The following PAH variants were observed in gnomAD, a reference collection of about 807,000 sequenced individuals.
PAH encodes the protein phenylalanine hydroxylase.
Under a neutral mutation model 62.0 loss-of-function variants are expected in PAH, and 64 were observed. That is an observed-to-expected ratio of 1.03 (90% CI 0.84 to 1.27). PAH has a LOEUF of 1.27. Ranked by LOEUF, PAH falls within the 50% of genes most tolerant of loss-of-function variation. The pLI is 0.00. For missense variants in PAH, 579 were observed against 542.8 expected (o/e 1.07, Z -0.66); for synonymous variants, 195 against 196.2 (o/e 0.99, Z 0.05).
At chr12:102,865,093 C>A (rs1460488853) in intron 5 of PAH, among the ~76,000 whole-genome samples, 1 of 152,126 alleles carries the variant, frequency 6.6e-6, no homozygotes, top group African/African-American at 2.4e-5. Flanking sequence ...TTTCAGTAAC[C>A]AAGTTAACTG....
Position 102,957,869 on chromosome 12 carries a change from C to T in PAH, c.-96+326G>A. On this transcript the variant is annotated intron_variant, in intron 1 of 4. Transcript: ENST00000551337. This position sits in a 1 kb window ranked among gnomAD's most constrained non-coding sequence, Gnocchi z 4.1. ...AGTAGGAGAGGAACGCGAGACGCGG[C>T]AGAGCGCGTTCAGCACTGACTTTTG... 5.5e-6 allele frequency: 1 copy of T among 180,996 alleles called. No homozygotes were observed. The highest frequency in any genetic ancestry group is 1.1e-5 in the Non-Finnish European group (1 of 87,820). The allele number at this position is 180,996 out of a possible 1,614,324, so 11.2% of individuals were successfully genotyped here. A position where few individuals can be genotyped will look rare whatever the true frequency, so the allele number is the denominator to read the frequency against.
chr12:102,846,951 C>T lies in PAH; in HGVS notation c.913G>A (p.Glu305Lys). 1.2e-6 allele frequency: 2 copies of T among 1,613,218 alleles called. No individual in the cohort carries two copies. Among genetic ancestry groups the T allele is most frequent in the Non-Finnish European group, 8.5e-7 (1 of 1,179,268 alleles). The change falls in exon 9 of 13, where the codon GAA becomes AAA. Residue 305 changes from glutamate (E) to lysine (K), a missense_variant and splice_region_variant. Coordinates refer to ENST00000553106, the MANE Select transcript of PAH (RefSeq NM_000277.3). The part of the protein sequence containing the change: ...SDRSFAQFSQ[E>K]IGLASLGAPD... Reference sequence around the variant, plus strand: ...GCACCCAGAGAGGCAAGGCCAATTTCCTGTAATTGGGGGAAAATAGAACCT... The same window carrying T: ...GCACCCAGAGAGGCAAGGCCAATTTTCTGTAATTGGGGGAAAATAGAACCT...
upstream of PAH, among the ~76,000 whole-genome samples, chr12:102,919,190 A>G (rs1253200558): frequency 6.6e-6 from 1 of 152,184 alleles, no homozygotes; most frequent in African/African-American, 2.4e-5. Context: ...CTGGCTCTCA[A>G]ATACTTTTGC....
chr12:102,958,183 C>T, intron 1 of PAH: 3 of 1,321,862 alleles, frequency 2.3e-6, no homozygotes, highest in Non-Finnish European at 3.0e-6. Context: ...GTCCCCCTCG[C>T]GGGCCCCGCA....
chr12:102,917,322 G>T, upstream of PAH: 1 of 630,794 alleles, frequency 1.6e-6, no homozygotes, highest in African/African-American at 1.8e-5. Context: ...CAGGAGGCCA[G>T]GGCAGCCTGC....
At chr12:102,932,268 A>G (rs1224014909) in intron 1 of PAH, among the ~76,000 whole-genome samples, 1 of 152,206 alleles carries the variant, frequency 6.6e-6, no homozygotes, top group Non-Finnish European at 1.5e-5. Context: ...TGCCCTTCTT[A>G]TACTTACAGC....
chr12:102,880,671 C>A (rs555377071), intron 3 of PAH, among the ~76,000 whole-genome samples: 1 of 152,122 alleles, frequency 6.6e-6, no homozygotes, highest in African/African-American at 2.4e-5. Context: ...GCACCTCCTG[C>A]GTACCAAGCA....
chr12:102,893,895 T>C (rs1329686811), intron 3 of PAH, among the ~76,000 whole-genome samples: 2 of 152,156 alleles, frequency 1.3e-5, no homozygotes, highest in Admixed American at 1.3e-4. Flanking sequence ...TGTGCTAAAC[T>C]CTGAGGATAT....
At chr12:102,942,445 C>T (rs1879328111) in intron 1 of PAH, among the ~76,000 whole-genome samples, 2 of 152,102 alleles carry the variant, frequency 1.3e-5, no homozygotes, top group South Asian at 4.1e-4. Flanking sequence ...GAAAAACATT[C>T]CATGCTCATG....
rs547692900 is a variant in PAH at position 102,872,724 on chromosome 12, T to C, written c.441+4738A>G. ...GGCTCATGCCCATAATCCCAGCATT[T>C]TGGGAGGCTGAGGCGAGCGGATCAC... On this transcript the variant is annotated intron_variant, in intron 4 of 12. Transcript: ENST00000553106. Among the ~76,000 whole-genome samples, 16 of 152,228 alleles carry C rather than the reference T, an allele frequency of 1.1e-4. No individual in the cohort carries two copies. The East Asian group carries it at 2.9e-3, about 28-fold the overall frequency.
upstream of PAH, among the ~76,000 whole-genome samples, chr12:102,919,465 A>G (rs1162640600): frequency 2.0e-5 from 3 of 152,168 alleles, no homozygotes; most frequent in Non-Finnish European, 1.5e-5. Flanking sequence ...ATACTCTTTC[A>G]GGTATTTTTA....
Position 102,844,276 on chromosome 12 carries a change from A to G in PAH, c.1065+60T>C, listed in dbSNP as rs112128299. ...GGGTTTCAACAATATTGAAAGCACA[A>G]TAATGGTTTTCTGTACCCACCACTT... On this transcript the variant is annotated intron_variant, in intron 10 of 12. Transcript: ENST00000553106. 2.4e-3 allele frequency: 2,886 copies of G among 1,182,906 alleles called. 30 individuals carry two copies. The African/African-American group carries it at 0.033, about 13-fold the overall frequency. The allele number at this position is 1,182,906 out of a possible 1,614,324, so 73.3% of individuals were successfully genotyped here.
chr12:102,872,776 T>G (rs1876400877), intron 4 of PAH, among the ~76,000 whole-genome samples: 1 of 152,154 alleles, frequency 6.6e-6, no homozygotes, highest in African/African-American at 2.4e-5. Flanking sequence ...GAGACCAGCT[T>G]GGCCAACATG....
intron 3 of PAH, among the ~76,000 whole-genome samples, chr12:102,887,219 A>G (rs1877079084): frequency 6.6e-6 from 1 of 151,956 alleles, no homozygotes; most frequent in African/African-American, 2.4e-5. Flanking sequence ...AGGAAAGAGG[A>G]TGGTGGAAGT....
At chr12:102,878,959 C>G (rs977875163) in intron 3 of PAH, among the ~76,000 whole-genome samples, 1 of 152,064 alleles carries the variant, frequency 6.6e-6, no homozygotes, top group South Asian at 2.1e-4. Flanking sequence ...ATCCAGAGAG[C>G]CAAAATAGAC....
intron 4 of PAH, among the ~76,000 whole-genome samples, chr12:102,871,757 T>C (rs768804692): frequency 4.0e-5 from 6 of 151,802 alleles, no homozygotes; most frequent in African/African-American, 7.3e-5. Flanking sequence ...ATCCTGTCTC[T>C]GCTAAAAATA....
intron 2 of PAH, among the ~76,000 whole-genome samples, chr12:102,899,192 C>A (rs1038549465): frequency 1.3e-5 from 2 of 152,164 alleles, no homozygotes; most frequent in African/African-American, 2.4e-5. Flanking sequence ...GAGACATAAC[C>A]AATCCCTGCC....
rs539994406 is a variant in PAH at position 102,912,888 on chromosome 12, T to A, written c.71A>T (p.Tyr24Phe). ...ATTTTGATTGCAGTTGTCTTCAATA[T>A]AGCTTGTTTCCTACAGGATAAGATG... The part of the protein sequence containing the change: ...KLSDFGQETS[Y>F]IEDNCNQNGA... The change falls in exon 2 of 13, where the codon TAT becomes TTT. Residue 24 changes from tyrosine (Y) to phenylalanine (F), a missense_variant. Tyr to Phe is a conservative substitution (Grantham distance 22, BLOSUM62 3). Coordinates refer to ENST00000553106, the MANE Select transcript of PAH (RefSeq NM_000277.3). The A allele has an allele frequency of 6.2e-7, 1 of 1,607,850 alleles. No individual in the cohort carries two copies. Among genetic ancestry groups the A allele is most frequent in the Middle Eastern group, 1.7e-4 (1 of 6,040 alleles).
chr12:102,933,295 AAAC>A (rs1343837606), intron 1 of PAH, among the ~76,000 whole-genome samples: 5 of 152,178 alleles, frequency 3.3e-5, no homozygotes, highest in African/African-American at 1.2e-4. Flanking sequence ...ATGTTTTTTC[AAAC>A]AACAGGATCT....
Sources: gnomAD v4.1 joint callset for allele counts (sites outside exome capture counted in the v4.1 genomes callset) on GRCh38, gnomAD v4.1.1 for gene constraint, Gnocchi (gnomAD v3.1) non-coding constraint, MANE v1.5 for transcripts, NCBI Gene and HGNC (gene_info 2026-07-23, HGNC 2026-07-21) for gene names.